Variants in RDX observed in about 807,000 individuals in gnomAD.
RDX encodes deafness, autosomal recessive 24.
A neutral mutation model predicts 83.7 loss-of-function variants in RDX; 32 were observed. The observed-to-expected ratio is 0.38, with a 90% CI of 0.29 to 0.51. The LOEUF is 0.51. RDX is among the 20% of genes least tolerant of loss of function. The probability of loss-of-function intolerance (pLI) is 0.87; values close to 1 mark genes in which losing one functional copy is unlikely to be tolerated. For missense variants in RDX, 600 were observed against 689.9 expected (o/e 0.87, Z 1.46); for synonymous variants, 229 against 222.7 (o/e 1.03, Z -0.25).
intron 14 of RDX, among the ~76,000 whole-genome samples, chr11:110,214,748 A>C (rs925823649): frequency 1.1e-5 from 1 of 88,940 alleles, no homozygotes; most frequent in African/African-American, 4.0e-5. Context: ...AGAACAAAAA[A>C]CCAAACACCA....
intron 2 of RDX, among the ~76,000 whole-genome samples, chr11:110,277,180 A>G (rs1860552583): frequency 6.6e-6 from 1 of 151,982 alleles, no homozygotes; most frequent in African/African-American, 2.4e-5. Flanking sequence ...AACAATAAAC[A>G]CTCTCCACTC....
chr11:110,186,420 T>C (rs749217637), intron 15 of RDX, among the ~76,000 whole-genome samples: 1 of 151,332 alleles, frequency 6.6e-6, no homozygotes, highest in Non-Finnish European at 1.5e-5. Context: ...ATAGGCAATC[T>C]TCATCACTCG....
At chr11:110,197,678 C>T (rs1565286129) in intron 15 of RDX, among the ~76,000 whole-genome samples, 1 of 152,024 alleles carries the variant, frequency 6.6e-6, no homozygotes, top group Non-Finnish European at 1.5e-5. Flanking sequence ...GGGAGTTTTA[C>T]GAGTTGACAA....
chr11:110,292,938 T>C (rs75271475), intron 1 of RDX, among the ~76,000 whole-genome samples: 1,537 of 152,352 alleles, frequency 0.01, 27 homozygotes, highest in African/African-American at 0.034. Context: ...TTGTCAACTA[T>C]ATGCCATATG....
chr11:110,282,357 A>C (rs1361422094), intron 1 of RDX, among the ~76,000 whole-genome samples: 5 of 152,048 alleles, frequency 3.3e-5, no homozygotes, highest in African/African-American at 4.8e-5. Flanking sequence ...CCAAACTACA[A>C]GTCTTTTGAC....
intron 14 of RDX, among the ~76,000 whole-genome samples, chr11:110,219,513 C>T (rs1435010914): frequency 6.6e-6 from 1 of 152,148 alleles, no homozygotes; most frequent in Non-Finnish European, 1.5e-5. Context: ...AAGTCTTTTG[C>T]AATCATCCAG....
chr11:110,289,979 A>AAAAAAAAAAAAAAAAAAAAAAAAAAAAC (rs1555049799), intron 1 of RDX, among the ~76,000 whole-genome samples: 1 of 144,620 alleles, frequency 6.9e-6, no homozygotes, highest in African/African-American at 2.7e-5. Flanking sequence ...AAAAAAAAAA[A>AAAAAAAAAAAAAAAAAAAAAAAAAAAAC]AAACAAGGGT....
chr11:110,194,073 C>T (rs1458436696), intron 15 of RDX, among the ~76,000 whole-genome samples: 3 of 152,224 alleles, frequency 2.0e-5, no homozygotes, highest in Admixed American at 6.5e-5. Flanking sequence ...TGACCTGGAG[C>T]CTCAGGTTCC....
intron 9 of RDX, among the ~76,000 whole-genome samples, chr11:110,251,208 G>A (rs1009284967): frequency 6.6e-6 from 1 of 152,114 alleles, no homozygotes; most frequent in Non-Finnish European, 1.5e-5. Context: ...TCTATTTCAA[G>A]GACATAAATC....
At chr11:110,273,906 C>T (rs1176329689) in intron 2 of RDX, among the ~76,000 whole-genome samples, 3 of 152,092 alleles carry the variant, frequency 2.0e-5, no homozygotes, top group Non-Finnish European at 2.9e-5. Flanking sequence ...ATACGTATTA[C>T]TGCATTTGTT....
chr11:110,247,916 G>GT, intron 9 of RDX, 83 bp from the exon 10 acceptor site: 1 of 1,467,276 alleles, frequency 6.8e-7, no homozygotes. Flanking sequence ...GCCATAAAAA[G>GT]TAACAAAATA....
chr11:110,176,960 C>T (rs1424638837), intron 15 of RDX, among the ~76,000 whole-genome samples: 1 of 152,164 alleles, frequency 6.6e-6, no homozygotes, highest in African/African-American at 2.4e-5. Flanking sequence ...TGCAGCCTGC[C>T]AAGGGCCAAG....
At chr11:110,288,527 A>G (rs1861078877) in intron 1 of RDX, 2 of 151,930 alleles carry the variant, frequency 1.3e-5, no homozygotes, top group African/African-American at 4.9e-5. Flanking sequence ...CAAACACAAA[A>G]TAATTCTCAC....
At position 110,247,725 on chromosome 11, in the gene RDX, CTCT is replaced by C; in HGVS notation, c.1065_1067del (p.Glu356del). 1 of 1,611,928 alleles carries C rather than the reference CTCT, an allele frequency of 6.2e-7. No individual in the cohort carries two copies. The highest frequency in any genetic ancestry group is 8.5e-7 in the Non-Finnish European group (1 of 1,179,450). ...TACCTTTCTGAGCTTTAATTGTCTGCTCTTCAATTTGTTTTAGACGTTCCATTA... is the reference window on the plus strand; with the variant it reads ...TACCTTTCTGAGCTTTAATTGTCTGCTCAATTTGTTTTAGACGTTCCATTA... On this transcript the variant is annotated inframe_deletion, in exon 10 of 14. Transcript: ENST00000645495.
chr11:110,295,082 G>T (rs1190910725), intron 1 of RDX, among the ~76,000 whole-genome samples: 1 of 152,164 alleles, frequency 6.6e-6, no homozygotes, highest in Admixed American at 6.5e-5. Context: ...TTTACATGTT[G>T]CTGTATTTGA....
rs143840534 is a variant in RDX, at chr11:110,196,580, T to C, written c.*31+3001A>G. On this transcript the variant is annotated intron_variant, in intron 15 of 15. Transcript: ENST00000528498. ...TTAGTGACGTGAATCCCAAGAGAAA[T>C]TGTTGAGCAGCCACAGGGCGTGTGT... Among the ~76,000 whole-genome samples, 750 of 152,288 alleles carry C rather than the reference T, an allele frequency of 4.9e-3. 5 individuals are homozygous for C. The highest frequency in any genetic ancestry group is 0.017 in the African/African-American group (688 of 41,560).
At position 110,232,002 on chromosome 11, in the gene RDX, T is replaced by C. The variant is rs143401385; in HGVS notation, c.1619A>G (p.Asp540Gly). The C allele has an allele frequency of 5.6e-6, 9 of 1,614,144 alleles. No individual in the cohort carries two copies. Among genetic ancestry groups the C allele is most frequent in the Non-Finnish European group, 6.8e-6 (8 of 1,179,996 alleles). Residue 540 changes from aspartate to glycine, a missense_variant, in exon 14 of 14, where the codon GAT becomes GGT. Physicochemically the swap from Asp to Gly is moderately conservative, Grantham distance 94. Coordinates refer to ENST00000645495, the MANE Select transcript of RDX (RefSeq NM_002906.4). ...ALSSELAQAR[D>G]ETKKTQNDVL... ...ATCATTTTGTGTTTTCTTGGTTTCA[T>C]CTCTGGCTTGGGCTAATTCTGAACT...
intron 9 of RDX, 77 bp downstream of exon 9, chr11:110,253,869 T>C (rs755224092): frequency 2.4e-6 from 3 of 1,252,358 alleles, no homozygotes; most frequent in South Asian, 2.4e-5. Flanking sequence ...TTAAGGTACA[T>C]TTAAAAAACT....
At chr11:110,215,574 G>A (rs1423698977) in intron 14 of RDX, among the ~76,000 whole-genome samples, 1 of 152,022 alleles carries the variant, frequency 6.6e-6, no homozygotes, top group African/African-American at 2.4e-5. Flanking sequence ...CTTCAATCTG[G>A]TGGGTTTGAT....
Sources: allele counts gnomAD v4.1 joint callset (sites outside exome capture counted in the v4.1 genomes callset), GRCh38; gene constraint gnomAD v4.1.1; transcripts MANE v1.5; gene names NCBI Gene and HGNC (gene_info 2026-07-23, HGNC 2026-07-21).